The following CTNNA3 variants were observed in gnomAD, a reference collection of about 807,000 sequenced individuals.
CTNNA3 encodes catenin alpha-3.
Under a neutral mutation model 95.7 loss-of-function variants are expected in CTNNA3, and 76 were observed. The observed-to-expected ratio is 0.79, with a 90% CI of 0.66 to 0.96. CTNNA3 has a LOEUF of 0.96. Ranked by LOEUF, CTNNA3 falls within the 40% of genes least tolerant of loss-of-function variation. The probability of loss-of-function intolerance (pLI) is 0.00; values close to 1 mark genes in which losing one functional copy is unlikely to be tolerated. For synonymous variants in CTNNA3, 431 were observed against 374.4 expected (o/e 1.15, Z -1.74); for missense variants, 1,191 against 1,089.8 (o/e 1.09, Z -1.31).
chr10:66,543,175 C>A lies in CTNNA3; in HGVS notation c.1375-22402G>T, dbSNP rs115464178. On this transcript the variant is annotated intron_variant, in intron 10 of 17. Transcript: ENST00000433211. ...GCAATCTCGGCTCACTGCAATCAATCCCTGCCTCCCAGGTTCAAGCAATTC... is the reference window on the plus strand; with the variant it reads ...GCAATCTCGGCTCACTGCAATCAATACCTGCCTCCCAGGTTCAAGCAATTC... Among the ~76,000 whole-genome samples the A allele has an allele frequency of 7.5e-3, 1,143 of 152,170 alleles. 11 individuals carry two copies. The highest frequency in any genetic ancestry group is 0.027 in the African/African-American group (1,105 of 41,520).
chr10:66,732,854 G>A (rs1002108070), intron 9 of CTNNA3, among the ~76,000 whole-genome samples: 1 of 151,832 alleles, frequency 6.6e-6, no homozygotes, highest in Non-Finnish European at 1.5e-5. Context: ...GGAGTGCAGC[G>A]ACATGATCTC....
At chr10:66,552,897 A>T (rs996125203) in intron 10 of CTNNA3, among the ~76,000 whole-genome samples, 2 of 151,622 alleles carry the variant, frequency 1.3e-5, no homozygotes, top group South Asian at 2.1e-4. Context: ...GATATTTGTT[A>T]AAAAAAATTC....
rs544115959 is a variant in CTNNA3, at chr10:66,712,604, T to A, written c.1281+53660A>T. Among the ~76,000 whole-genome samples the A allele has an allele frequency of 2.0e-4, 29 of 143,476 alleles. No homozygotes were observed. The East Asian group carries it at 8.8e-3, about 44-fold the overall frequency. The allele number at this position is 143,476 out of a possible 152,430, so 94.1% of individuals were successfully genotyped here. ...CTCACTCTCTCTCCCTCTCTCTCTCTCTCTCACACACACAGCAAGAGACAT... is the reference window on the plus strand; with the variant it reads ...CTCACTCTCTCTCCCTCTCTCTCTCACTCTCACACACACAGCAAGAGACAT... On this transcript the variant is annotated intron_variant, in intron 9 of 17. Coordinates refer to ENST00000433211, the MANE Select transcript of CTNNA3 (RefSeq NM_013266.4).
At position 67,080,726 on chromosome 10, in the gene CTNNA3, A is replaced by G. The variant is rs573522129; in HGVS notation, c.1047+99591T>C. On this transcript the variant is annotated intron_variant, in intron 7 of 17. Coordinates refer to ENST00000433211, the MANE Select transcript of CTNNA3 (RefSeq NM_013266.4). ...AGATCGAGACCATCCTGGCTAACAC[A>G]GTGAAACCCCATCTCTACTAAAAAT... is the stretch of plus-strand genomic sequence containing the variant. Among the ~76,000 whole-genome samples the G allele has an allele frequency of 6.0e-3, 915 of 151,980 alleles. 8 individuals carry two copies. Among genetic ancestry groups the G allele is most frequent in the African/African-American group, 0.021 (852 of 41,490 alleles).
chr10:66,435,413 A>G (rs2093329969), intron 11 of CTNNA3, among the ~76,000 whole-genome samples: 1 of 152,018 alleles, frequency 6.6e-6, no homozygotes, highest in Admixed American at 6.6e-5. Context: ...CATTTCTTCC[A>G]GATTTTCTAG....
chr10:66,510,843 A>G (rs1242780873), intron 11 of CTNNA3, among the ~76,000 whole-genome samples: 3 of 151,690 alleles, frequency 2.0e-5, no homozygotes, highest in Non-Finnish European at 4.4e-5. Flanking sequence ...ATATTGGCCC[A>G]TAGTTTTCTT....
chr10:66,307,061 C>A (rs1392561933), intron 12 of CTNNA3, among the ~76,000 whole-genome samples: 1 of 152,082 alleles, frequency 6.6e-6, no homozygotes, highest in Non-Finnish European at 1.5e-5. Context: ...TCACAAGAGC[C>A]CTCTGAATTA....
chr10:67,613,048 T>G (rs564770985), intron 2 of CTNNA3, among the ~76,000 whole-genome samples: 2 of 152,290 alleles, frequency 1.3e-5, no homozygotes, highest in Admixed American at 1.3e-4. Flanking sequence ...TCCAAACTCT[T>G]TAGCGTAGCT....
chr10:66,801,004 C>T (rs948273544), intron 7 of CTNNA3, among the ~76,000 whole-genome samples: 1 of 151,260 alleles, frequency 6.6e-6, no homozygotes, highest in African/African-American at 2.4e-5. Flanking sequence ...ACTTAACTGG[C>T]TCCACTAGTT....
intron 5 of CTNNA3, among the ~76,000 whole-genome samples, chr10:67,397,066 C>A (rs1370013492): frequency 6.6e-6 from 1 of 152,006 alleles, no homozygotes; most frequent in African/African-American, 2.4e-5. Context: ...TATATTGGTA[C>A]CACAGAGAGT....
intron 15 of CTNNA3, among the ~76,000 whole-genome samples, chr10:66,029,380 C>T (rs1293579370): frequency 6.6e-6 from 1 of 151,822 alleles, no homozygotes; most frequent in Non-Finnish European, 1.5e-5. Flanking sequence ...TCTTTTAACA[C>T]TTTCACCTTT....
At chr10:66,555,408 A>T (rs1025217107) in intron 10 of CTNNA3, among the ~76,000 whole-genome samples, 2 of 152,134 alleles carry the variant, frequency 1.3e-5, no homozygotes, top group Non-Finnish European at 2.9e-5. Flanking sequence ...ATAAACCTTA[A>T]ATAAGTGTAA....
At chr10:67,419,531 A>G (rs1418708550) in intron 5 of CTNNA3, among the ~76,000 whole-genome samples, 5 of 152,146 alleles carry the variant, frequency 3.3e-5, no homozygotes, top group Non-Finnish European at 7.4e-5. Context: ...CTAGTAATCT[A>G]TACAGTGTTG....
At chr10:66,771,007 T>C (rs914716599) in intron 8 of CTNNA3, among the ~76,000 whole-genome samples, 1 of 152,130 alleles carries the variant, frequency 6.6e-6, no homozygotes, top group Non-Finnish European at 1.5e-5. Flanking sequence ...TTGTCTCTTG[T>C]GGATACATAA....
intron 11 of CTNNA3, among the ~76,000 whole-genome samples, chr10:66,428,541 A>G (rs1312525483): frequency 6.6e-6 from 1 of 152,204 alleles, no homozygotes; most frequent in East Asian, 1.9e-4. Flanking sequence ...AACAGAAATT[A>G]TAACAAACTG....
chr10:67,385,926 C>T (rs933313901), intron 5 of CTNNA3, among the ~76,000 whole-genome samples: 27 of 151,734 alleles, frequency 1.8e-4, no homozygotes, highest in African/African-American at 5.3e-4. Context: ...TGCACGGGAG[C>T]TTTAATATTA....
At chr10:66,783,355 G>A (rs2132852346) in intron 7 of CTNNA3, among the ~76,000 whole-genome samples, 1 of 152,182 alleles carries the variant, frequency 6.6e-6, no homozygotes, top group African/African-American at 2.4e-5. Flanking sequence ...CTAGGCCAAA[G>A]TTCATAAATC....
intron 5 of CTNNA3, among the ~76,000 whole-genome samples, chr10:67,306,119 T>C (rs907544982): frequency 6.6e-6 from 1 of 152,100 alleles, no homozygotes; most frequent in Non-Finnish European, 1.5e-5. Flanking sequence ...CAAATTTCTC[T>C]TTTAAAAAAG....
chr10:66,005,431 C>T (rs1301123894), intron 15 of CTNNA3, among the ~76,000 whole-genome samples: 1 of 152,202 alleles, frequency 6.6e-6, no homozygotes, highest in African/African-American at 2.4e-5. Context: ...TATTTTTTAA[C>T]ATGACCTATA....
Sources: allele counts gnomAD v4.1 joint callset (sites outside exome capture counted in the v4.1 genomes callset), GRCh38; gene constraint gnomAD v4.1.1; transcripts MANE v1.5; gene names NCBI Gene and HGNC (gene_info 2026-07-23, HGNC 2026-07-21).